The following RELN variants were observed in gnomAD, a reference collection of about 807,000 sequenced individuals.
The protein encoded by RELN is reelin.
A neutral mutation model predicts 427.6 loss-of-function variants in RELN; 108 were observed. The ratio of observed to expected loss-of-function variants is 0.25; its 90% CI spans 0.22 to 0.30. The LOEUF is 0.30. Among genes scored for constraint, RELN ranks in the 10% least tolerant of loss-of-function variants. The pLI is 1.00. For missense variants in RELN, 3,715 were observed against 4,302.8 expected (o/e 0.86, Z 3.82); for synonymous variants, 1,524 against 1,513.4 (o/e 1.01, Z -0.16).
chr7:103,770,074 C>CTTCA lies in RELN; in HGVS notation c.544+6482_544+6483insTGAA, dbSNP rs1791526157. 2.0e-5 allele frequency among the ~76,000 whole-genome samples: 3 copies of CTTCA among 150,674 alleles called. No homozygotes were observed. The South Asian group carries it at 6.4e-4, about 32-fold the overall frequency. On this transcript the variant is annotated intron_variant, in intron 4 of 64. Transcript: ENST00000428762. ...CCAAATACAGCACAAATCTTTTTTA[C>CTTCA]TTTATTTATTTATTTATTTATTTAT...
intron 1 of RELN, among the ~76,000 whole-genome samples, chr7:103,926,778 C>T (rs1265971861): frequency 6.6e-6 from 1 of 151,482 alleles, no homozygotes; most frequent in East Asian, 2.0e-4. Flanking sequence ...CCGAGTAGCT[C>T]GGATTACAGG....
At position 103,838,208 on chromosome 7, in the gene RELN, C is replaced by CA. The variant is rs58553259; in HGVS notation, c.338-4537dup. ...TGGGCGACAGAGCGAGACTTCGTCT[C>CA]AAAAAAAAAAAAAAAAAAAAAAAAA... is the stretch of plus-strand genomic sequence containing the variant. On this transcript the variant is annotated intron_variant, in intron 2 of 64. Coordinates refer to ENST00000428762, the MANE Select transcript of RELN (RefSeq NM_005045.4). Among the ~76,000 whole-genome samples, 677 of 81,100 alleles carry CA rather than the reference C, an allele frequency of 8.3e-3. 56 individuals carry two copies. Among genetic ancestry groups the CA allele is most frequent in the South Asian group, 0.013 (22 of 1,740 alleles). 53.2% of individuals were successfully genotyped at this position (81,100 alleles called of 152,430 possible).
At chr7:103,832,695 T>C (rs772027458) in intron 3 of RELN, among the ~76,000 whole-genome samples, 5 of 152,134 alleles carry the variant, frequency 3.3e-5, no homozygotes, top group Non-Finnish European at 7.4e-5. Context: ...AGTGTTTATC[T>C]AAGGATGCTC....
intron 1 of RELN, among the ~76,000 whole-genome samples, chr7:103,950,328 A>C (rs573264479): frequency 2.0e-5 from 3 of 152,346 alleles, no homozygotes; most frequent in South Asian, 2.1e-4. Flanking sequence ...AGACATAGTC[A>C]CATTTATAAT....
intron 7 of RELN, among the ~76,000 whole-genome samples, chr7:103,725,750 G>C (rs569788789): frequency 6.6e-6 from 1 of 152,012 alleles, no homozygotes. Flanking sequence ...CTGAAATACA[G>C]AGACTTCACT....
rs371157614 is a variant in RELN, at chr7:103,523,511, C to A, written c.7370G>T (p.Arg2457Leu). 1.9e-6 allele frequency: 3 copies of A among 1,613,788 alleles called. No individual in the cohort carries two copies. The African/African-American group carries it at 4.0e-5, about 22-fold the overall frequency. ...PYTRSQATRF[R>L]WHQPAPFDKQ... ...GTCAAAAGGAGCTGGTTGATGCCAACGGAAACGAGTGGCTTGGGACCTTTG... is the reference window on the plus strand; with the variant it reads ...GTCAAAAGGAGCTGGTTGATGCCAAAGGAAACGAGTGGCTTGGGACCTTTG... The change falls in exon 47 of 65, where the codon CGT becomes CTT. Residue 2457 changes from arginine to leucine, a missense_variant. Around this residue, in one of 4 missense-constraint regions of RELN, gnomAD observed 1,310 missense variants for 1,643.0 expected, o/e 0.80. Transcript: ENST00000428762.
At chr7:103,779,396 T>C (rs1426665712) in intron 3 of RELN, among the ~76,000 whole-genome samples, 1 of 152,178 alleles carries the variant, frequency 6.6e-6, no homozygotes, top group Non-Finnish European at 1.5e-5. Flanking sequence ...CTAGTATATA[T>C]ACTTACTGTT....
intron 1 of RELN, among the ~76,000 whole-genome samples, chr7:103,922,722 G>T (rs1484003830): frequency 1.3e-5 from 2 of 152,076 alleles, no homozygotes; most frequent in Non-Finnish European, 2.9e-5. Flanking sequence ...CATTCTTGCA[G>T]AAAATCACTG....
intron 2 of RELN, among the ~76,000 whole-genome samples, chr7:103,857,644 A>C (rs1239376306): frequency 6.6e-6 from 1 of 152,160 alleles, no homozygotes. Context: ...GCTTGTGCCC[A>C]GTGCACCAGG....
chr7:103,926,638 T>G (rs1309569755), intron 1 of RELN, among the ~76,000 whole-genome samples: 2 of 26,224 alleles, frequency 7.6e-5, no homozygotes, highest in African/African-American at 2.7e-4. Context: ...TTTTTTTTTT[T>G]TTTTTTTTTT....
chr7:103,636,924 A>T (rs753723616), intron 17 of RELN, among the ~76,000 whole-genome samples: 1 of 152,216 alleles, frequency 6.6e-6, no homozygotes, highest in Non-Finnish European at 1.5e-5. Flanking sequence ...AAATATTTAG[A>T]AACTATTGGA....
intron 2 of RELN, among the ~76,000 whole-genome samples, chr7:103,869,539 T>C (rs868137024): frequency 5.0e-4 from 76 of 152,208 alleles, no homozygotes; most frequent in Middle Eastern, 6.8e-3. Flanking sequence ...GCATATAGTG[T>C]TCTGGGCTTA....
intron 2 of RELN, among the ~76,000 whole-genome samples, chr7:103,907,685 T>G (rs938854517): frequency 3.3e-5 from 5 of 151,840 alleles, no homozygotes; most frequent in African/African-American, 4.8e-5. Flanking sequence ...GCTACAGCCT[T>G]TAAAATGGTA....
intron 8 of RELN, among the ~76,000 whole-genome samples, chr7:103,702,346 T>G (rs2115803596): frequency 1.3e-5 from 2 of 152,350 alleles, no homozygotes; most frequent in South Asian, 4.1e-4. Flanking sequence ...ATTTAAATGT[T>G]ACTCGTGTGC....
intron 41 of RELN, among the ~76,000 whole-genome samples, chr7:103,546,155 TCTCC>T: frequency 6.6e-6 from 1 of 152,218 alleles, no homozygotes; most frequent in South Asian, 2.1e-4. Flanking sequence ...TTTCCCCATC[TCTCC>T]CTCCCTGACA....
chr7:103,854,188 T>A (rs1274301147), intron 2 of RELN, among the ~76,000 whole-genome samples: 1 of 152,212 alleles, frequency 6.6e-6, no homozygotes, highest in African/African-American at 2.4e-5. Flanking sequence ...TTTGCTTTTA[T>A]CGATTCATCT....
chr7:103,677,036 A>G (rs1833544363), intron 11 of RELN, among the ~76,000 whole-genome samples: 1 of 149,762 alleles, frequency 6.7e-6, no homozygotes, highest in African/African-American at 2.5e-5. Flanking sequence ...GTTAAAGCAT[A>G]ATAAAAAAAA....
intron 2 of RELN, among the ~76,000 whole-genome samples, chr7:103,900,283 A>C (rs934271212): frequency 3.3e-5 from 5 of 152,154 alleles, no homozygotes; most frequent in Non-Finnish European, 4.4e-5. Context: ...ACCTCTGCTC[A>C]ACGAAATAAG....
chr7:103,870,738 C>T (rs971138252), intron 2 of RELN, among the ~76,000 whole-genome samples: 5 of 152,060 alleles, frequency 3.3e-5, no homozygotes, highest in African/African-American at 1.2e-4. Context: ...CTATTTTGTT[C>T]TCAACCCTGT....
Sources: gnomAD v4.1 joint callset for allele counts (sites outside exome capture counted in the v4.1 genomes callset) on GRCh38, gnomAD v4.1.1 for gene constraint, gnomAD v4.1.1 regional missense constraint, MANE v1.5 for transcripts, NCBI Gene and HGNC (gene_info 2026-07-23, HGNC 2026-07-21) for gene names.